Variants in CDH5 observed in about 807,000 individuals in gnomAD.
The protein encoded by CDH5 is cadherin-5.
Under a neutral mutation model 62.0 loss-of-function variants are expected in CDH5, and 28 were observed. The observed-to-expected ratio is 0.45, with a 90% CI of 0.33 to 0.62. The LOEUF (loss-of-function observed/expected upper bound fraction) is 0.62. Ranked by LOEUF, CDH5 falls within the 20% of genes least tolerant of loss-of-function variation. The pLI is 0.02. For missense variants in CDH5, 940 were observed against 1,065.1 expected (o/e 0.88, Z 1.63); for synonymous variants, 464 against 445.8 (o/e 1.04, Z -0.52).
chr16:66,402,201 T>C (rs1961294628), intron 11 of CDH5, among the ~76,000 whole-genome samples: 1 of 151,416 alleles, frequency 6.6e-6, no homozygotes, highest in African/African-American at 2.4e-5. Context: ...TAGTAGTTTG[T>C]TCAGTAACTC....
At chr16:66,395,932 G>C in intron 7 of CDH5, 127 bp from the exon 8 acceptor site, 1 of 880,202 alleles carries the variant, frequency 1.1e-6, no homozygotes, top group Non-Finnish European at 1.8e-6. Context: ...AGAGTGCAAT[G>C]AGCAGTGAGA....
At chr16:66,374,864 T>C (rs988650579) in intron 1 of CDH5, among the ~76,000 whole-genome samples, 2 of 152,166 alleles carry the variant, frequency 1.3e-5, no homozygotes, top group Admixed American at 1.3e-4. Context: ...TTGTTACATA[T>C]GTACACATGT....
At chr16:66,402,619 G>A in intron 11 of CDH5, 33 bp from the exon 12 acceptor site, 1 of 1,523,956 alleles carries the variant, frequency 6.6e-7, no homozygotes, top group Non-Finnish European at 8.8e-7. Flanking sequence ...CCCCAGCCTT[G>A]TCTGACTCTG....
intron 5 of CDH5, 59 bp from the exon 6 acceptor site, chr16:66,390,344 G>T: frequency 7.7e-7 from 1 of 1,290,938 alleles, no homozygotes; most frequent in African/African-American, 1.5e-5. Context: ...GCTGAAAGAG[G>T]CAATCGCCTT....
intron 10 of CDH5, among the ~76,000 whole-genome samples, chr16:66,399,314 C>T (rs1961241933): frequency 6.6e-6 from 1 of 152,204 alleles, no homozygotes; most frequent in Non-Finnish European, 1.5e-5. Flanking sequence ...CTTCCATGGC[C>T]TCTGAAATTT....
Position 66,396,433 on chromosome 16 carries a change from G to A in CDH5, c.1360+232G>A, listed in dbSNP as rs543410261. On this transcript the variant is annotated intron_variant, in intron 8 of 11. Coordinates refer to ENST00000341529, the MANE Select transcript of CDH5 (RefSeq NM_001795.5). ...TCGGGCCTCACCCCCACACTGAATC[G>A]GAATCTCATGCATGTCACAGTTTGA... is the stretch of plus-strand genomic sequence containing the variant. Among the ~76,000 whole-genome samples, 23 of 152,186 alleles carry A rather than the reference G, an allele frequency of 1.5e-4. 1 individual carries two copies. Among genetic ancestry groups the A allele is most frequent in the African/African-American group, 4.8e-4 (20 of 41,536 alleles).
intron 1 of CDH5, among the ~76,000 whole-genome samples, chr16:66,370,862 C>A (rs143171356): frequency 1.6e-4 from 25 of 152,304 alleles, no homozygotes; most frequent in Non-Finnish European, 3.1e-4. Context: ...TAGCTCTCCT[C>A]GAGGCTGGAA....
chr16:66,386,559 T>C (rs1348986761), intron 2 of CDH5, among the ~76,000 whole-genome samples: 1 of 152,162 alleles, frequency 6.6e-6, no homozygotes, highest in East Asian at 1.9e-4. Context: ...GTTAGTTCAC[T>C]TAGGTTCATT....
chr16:66,403,205 C>A lies in CDH5; in HGVS notation c.*36C>A, dbSNP rs779625184. 7.0e-6 allele frequency: 11 copies of A among 1,567,944 alleles called. No homozygotes were observed. In the Admixed American group the frequency reaches 1.6e-4, roughly 23 times the overall value. Reference sequence around the variant, plus strand: ...TCACTCTGGGCCTGGGGACCCAAACCCCCTGCAGCCCAGGCCAGTCAGACG... The same window carrying A: ...TCACTCTGGGCCTGGGGACCCAAACACCCTGCAGCCCAGGCCAGTCAGACG... On this transcript the variant is annotated 3_prime_UTR_variant, in exon 12 of 12. Coordinates refer to ENST00000341529, the MANE Select transcript of CDH5 (RefSeq NM_001795.5). This position sits in a 1 kb window ranked among gnomAD's most constrained non-coding sequence, Gnocchi z 4.3.
intron 1 of CDH5, among the ~76,000 whole-genome samples, chr16:66,371,728 AGTGGGGCTCTG>A (rs1960694707): frequency 6.6e-6 from 1 of 152,046 alleles, no homozygotes; most frequent in Non-Finnish European, 1.5e-5. Flanking sequence ...CTAAGGCTTG[AGTGGGGCTCTG>A]GTCAGGTCGA....
intron 4 of CDH5, 25 bp downstream of exon 4, chr16:66,388,465 C>A: frequency 6.9e-7 from 1 of 1,447,370 alleles, no homozygotes; most frequent in Non-Finnish European, 9.7e-7. Context: ...CACTCCTGGA[C>A]AGTCACTGAT....
At chr16:66,373,407 A>AT (rs34814895) in intron 1 of CDH5, among the ~76,000 whole-genome samples, 3,970 of 133,718 alleles carry the variant, frequency 0.03, 74 homozygotes, top group Non-Finnish European at 0.034. Flanking sequence ...TGGTTAGCCA[A>AT]TTTTTTTTTT....
intron 6 of CDH5, among the ~76,000 whole-genome samples, chr16:66,391,828 G>A (rs768621750): frequency 4.6e-5 from 7 of 152,264 alleles, no homozygotes; most frequent in Middle Eastern, 3.4e-3. Flanking sequence ...CACTAGTGAC[G>A]CTCTTAAGAG....
intron 11 of CDH5, among the ~76,000 whole-genome samples, chr16:66,401,516 G>A (rs559810883): frequency 2.3e-4 from 35 of 152,088 alleles, no homozygotes; most frequent in South Asian, 1.9e-3. Flanking sequence ...TTTCTTGTTT[G>A]GGCCTCAGAA....
At position 66,389,406 on chromosome 16, in the gene CDH5, G is replaced by C. The variant is rs147540615; in HGVS notation, c.665G>C (p.Arg222Thr). ...TKSLDREKQA[R>T]YEIVVEARDA... Reference sequence around the variant, plus strand: ...AGCTTGGACCGAGAGAAGCAGGCCAGGTATGAGATCGTGGTGGAAGCGCGA... The same window carrying C: ...AGCTTGGACCGAGAGAAGCAGGCCACGTATGAGATCGTGGTGGAAGCGCGA... The change falls in exon 5 of 12, where the codon AGG becomes ACG. Residue 222 changes from arginine to threonine, a missense_variant. Coordinates refer to ENST00000341529, the MANE Select transcript of CDH5 (RefSeq NM_001795.5). 8.7e-6 allele frequency: 14 copies of C among 1,613,534 alleles called. No individual in the cohort carries two copies. In the East Asian group the frequency reaches 2.9e-4, roughly 33 times the overall value.
chr16:66,372,626 G>C (rs1030772591), intron 1 of CDH5, among the ~76,000 whole-genome samples: 3 of 152,170 alleles, frequency 2.0e-5, no homozygotes, highest in Non-Finnish European at 4.4e-5. Flanking sequence ...GGACCCCTCG[G>C]TCACCAGGCT....
chr16:66,396,322 G>A (rs746753885), intron 8 of CDH5, 121 bp downstream of exon 8: 12 of 1,224,170 alleles, frequency 9.8e-6, no homozygotes, highest in South Asian at 6.5e-5. Flanking sequence ...TGAAGCACCC[G>A]CTGGTTGGGA....
Position 66,387,103 on chromosome 16 carries a change from T to A in CDH5, c.499+6T>A. 6.2e-7 allele frequency: 1 copy of A among 1,606,368 alleles called. No individual in the cohort carries two copies. The highest frequency in any genetic ancestry group is 8.5e-7 in the Non-Finnish European group (1 of 1,174,916). ...GCCTGAGTCGTCGGCTGTGGGTACGTTGCATGCCCACTCTGTCCTCCTCCC... is the reference window on the plus strand; with the variant it reads ...GCCTGAGTCGTCGGCTGTGGGTACGATGCATGCCCACTCTGTCCTCCTCCC... On this transcript the variant is annotated splice_donor_region_variant and intron_variant, in intron 3 of 11. Coordinates refer to ENST00000341529, the MANE Select transcript of CDH5 (RefSeq NM_001795.5).
Position 66,392,175 on chromosome 16 carries a change from G to A in CDH5, c.1009G>A (p.Val337Ile), listed in dbSNP as rs147523967. Residue 337 changes from valine to isoleucine, a missense_variant, in exon 7 of 12, where the codon GTC becomes ATC. Val to Ile is a conservative substitution (Grantham distance 29). Transcript: ENST00000341529. ...ATACATCCAGCAATACAGCTTCATC[G>A]TCGAGGCCACAGACCCCACCATCGA... is the stretch of plus-strand genomic sequence containing the variant. Reference protein sequence around the residue: ...YEYIQQYSFIVEATDPTIDLR... With the variant: ...YEYIQQYSFIIEATDPTIDLR... 11 of 1,614,016 alleles carry A rather than the reference G, an allele frequency of 6.8e-6. No individual in the cohort carries two copies. The African/African-American group carries it at 9.3e-5, about 14-fold the overall frequency.
Sources: gnomAD v4.1 joint callset for allele counts (sites outside exome capture counted in the v4.1 genomes callset) on GRCh38, gnomAD v4.1.1 for gene constraint, Gnocchi (gnomAD v3.1) non-coding constraint, MANE v1.5 for transcripts, NCBI Gene and HGNC (gene_info 2026-07-23, HGNC 2026-07-21) for gene names.